FBXW8: variants seen among roughly 807,000 people sequenced by gnomAD.
The protein encoded by FBXW8 is F-box and WD repeat domain containing 8.
Under a neutral mutation model 65.3 loss-of-function variants are expected in FBXW8, and 57 were observed. The ratio of observed to expected loss-of-function variants is 0.87; its 90% confidence interval spans 0.71 to 1.09. FBXW8 has a LOEUF of 1.09. Among genes scored for constraint, FBXW8 ranks in the 50% least tolerant of loss-of-function variants. The pLI, the probability that FBXW8 is intolerant of heterozygous loss-of-function variation, is 0.00. For synonymous variants in FBXW8, 308 were observed against 330.2 expected, an observed-to-expected ratio of 0.93 and a Z score of 0.73; for missense variants, 777 against 814.8, an observed-to-expected ratio of 0.95 and a Z score of 0.57.
intron 6 of FBXW8, 114 bp from the exon 7 acceptor site, chr12:116,988,549 C>T (rs563534244): frequency 5.8e-6 from 5 of 863,050 alleles, no homozygotes; most frequent in Non-Finnish European, 9.6e-6. Context: ...GTTTCATTTG[C>T]CCATCTTTTT....
At chr12:116,952,605 G>A (rs4767480) in intron 4 of FBXW8, among the ~76,000 whole-genome samples, 105,854 of 152,122 alleles carry the variant, frequency 0.7, 40,790 homozygotes, top group Non-Finnish European at 0.85. Context: ...GCAACTCATC[G>A]TGTGGCCTTG....
At chr12:117,019,544 CTCT>C (rs1954037666) in intron 8 of FBXW8, among the ~76,000 whole-genome samples, 10 of 152,186 alleles carry the variant, frequency 6.6e-5, no homozygotes, top group Admixed American at 3.9e-4. Context: ...ACAGTCTCTC[CTCT>C]GTGTCCTAAA....
At chr12:116,919,411 T>C (rs1249856298) in intron 1 of FBXW8, among the ~76,000 whole-genome samples, 1 of 152,180 alleles carries the variant, frequency 6.6e-6, no homozygotes, top group Non-Finnish European at 1.5e-5. Flanking sequence ...AGCTGTCAAA[T>C]GATGATGATG....
intron 7 of FBXW8, among the ~76,000 whole-genome samples, chr12:116,992,044 C>T (rs766725125): frequency 1.3e-5 from 2 of 152,172 alleles, no homozygotes; most frequent in African/African-American, 4.8e-5. Context: ...CTGGCATTGG[C>T]ATGTTAAAAC....
intron 3 of FBXW8, chr12:116,948,842 G>T (rs939751300): frequency 6.3e-4 from 96 of 152,180 alleles, no homozygotes; most frequent in African/African-American, 2.1e-3. Flanking sequence ...GTAGCCTTAA[G>T]TTCCTGGACT....
intron 6 of FBXW8, among the ~76,000 whole-genome samples, chr12:116,987,646 T>A (rs530960856): frequency 3.9e-4 from 59 of 152,174 alleles, no homozygotes; most frequent in African/African-American, 1.2e-3. Context: ...AATGTTAAAA[T>A]TTTTTTTGCG....
At chr12:116,992,761 GGTGTGTGTGTGTGTGTGT>G (rs59119067) in intron 7 of FBXW8, among the ~76,000 whole-genome samples, 2 of 143,550 alleles carry the variant, frequency 1.4e-5, no homozygotes, top group Non-Finnish European at 3.0e-5. Flanking sequence ...ATTATTCCAT[GGTGTGTGTGTGTGTGTGT>G]GTGTGTGTGT....
intron 5 of FBXW8, among the ~76,000 whole-genome samples, chr12:116,965,823 A>C (rs901347837): frequency 6.6e-6 from 1 of 152,122 alleles, no homozygotes; most frequent in African/African-American, 2.4e-5. Flanking sequence ...CAGTGGCACT[A>C]TCTCAGTTCA....
At chr12:117,014,543 A>G (rs1953901377) in intron 8 of FBXW8, among the ~76,000 whole-genome samples, 1 of 152,112 alleles carries the variant, frequency 6.6e-6, no homozygotes, top group Non-Finnish European at 1.5e-5. Context: ...GTTGTGTTTT[A>G]TACACTCTGG....
intron 4 of FBXW8, among the ~76,000 whole-genome samples, chr12:116,957,592 G>A (rs1301360156): frequency 6.6e-6 from 1 of 152,118 alleles, no homozygotes; most frequent in Non-Finnish European, 1.5e-5. Flanking sequence ...AATAACATAG[G>A]TATAAGGTTG....
At chr12:117,019,071 A>G (rs1464778181) in intron 8 of FBXW8, among the ~76,000 whole-genome samples, 2 of 152,152 alleles carry the variant, frequency 1.3e-5, no homozygotes, top group Admixed American at 6.5e-5. Context: ...TCTCTTACCT[A>G]CGCATGCCTA....
rs1490104528 is a variant in FBXW8, at chr12:117,030,352, A to C, written c.*2180A>C. The stretch of plus-strand genomic sequence containing the variant: ...CAACCAGATAACTTCCTAAGTGGAG[A>C]TGGCCTGTAGGTAGCAAATGCAGGA... On this transcript the variant is annotated 3_prime_UTR_variant, in exon 11 of 11. Coordinates refer to ENST00000652555, the MANE Select transcript of FBXW8 (RefSeq NM_153348.3). 6.6e-6 allele frequency: 1 copy of C among 152,094 alleles called. No individual in the cohort carries two copies. Among genetic ancestry groups the C allele is most frequent in the Non-Finnish European group, 1.5e-5 (1 of 68,024 alleles). 9.4% of individuals were successfully genotyped at this position (152,094 alleles called of 1,614,324 possible). A position where few individuals can be genotyped will look rare whatever the true frequency, so the allele number is the denominator to read the frequency against.
intron 5 of FBXW8, among the ~76,000 whole-genome samples, chr12:116,983,464 T>G (rs1885456387): frequency 6.6e-6 from 1 of 152,196 alleles, no homozygotes; most frequent in Non-Finnish European, 1.5e-5. Context: ...TGTTTATAAT[T>G]GCTTCCTTAG....
At chr12:116,951,859 A>G (rs1883307661) in intron 4 of FBXW8, among the ~76,000 whole-genome samples, 1 of 152,200 alleles carries the variant, frequency 6.6e-6, no homozygotes, top group Non-Finnish European at 1.5e-5. Flanking sequence ...TTGACACTCA[A>G]ATACCCATCA....
intron 8 of FBXW8, among the ~76,000 whole-genome samples, chr12:117,018,486 G>A (rs1317662089): frequency 3.9e-5 from 6 of 152,204 alleles, no homozygotes; most frequent in Non-Finnish European, 5.9e-5. Context: ...AAGGCGCACG[G>A]CATTCGGGCC....
intron 3 of FBXW8, among the ~76,000 whole-genome samples, chr12:116,946,833 G>A (rs2137349361): frequency 6.6e-6 from 1 of 152,162 alleles, no homozygotes; most frequent in South Asian, 2.1e-4. Flanking sequence ...ATAAACAAGG[G>A]GTCAGAAAGC....
At chr12:116,965,952 G>A (rs1377867311) in intron 5 of FBXW8, among the ~76,000 whole-genome samples, 1 of 143,804 alleles carries the variant, frequency 7.0e-6, no homozygotes, top group African/African-American at 2.5e-5. Flanking sequence ...TTTAAGAGAT[G>A]GAGTTTTGCC....
chr12:116,954,361 C>G (rs1883502534), intron 4 of FBXW8, among the ~76,000 whole-genome samples: 1 of 152,040 alleles, frequency 6.6e-6, no homozygotes, highest in Non-Finnish European at 1.5e-5. Flanking sequence ...TTTCATGTTG[C>G]ATATTTTTCA....
At chr12:116,915,105 C>T (rs574179132) in intron 1 of FBXW8, among the ~76,000 whole-genome samples, 1 of 152,306 alleles carries the variant, frequency 6.6e-6, no homozygotes, top group East Asian at 1.9e-4. Flanking sequence ...CTCCTTCTCT[C>T]CAGGCTGATA....
Sources: gnomAD v4.1 joint callset for allele counts (sites outside exome capture counted in the v4.1 genomes callset) on GRCh38, gnomAD v4.1.1 for gene constraint, MANE v1.5 for transcripts, NCBI Gene and HGNC (gene_info 2026-07-23, HGNC 2026-07-21) for gene names.